Variants in MICAL2 observed in about 807,000 individuals in gnomAD.
MICAL2 encodes microtubule associated monooxygenase, calponin and LIM domain containing 2, also known as [F-actin]-monooxygenase MICAL2.
MICAL2 carries 77 observed loss-of-function variants against 127.3 expected under a neutral mutation model. The ratio of observed to expected loss-of-function variants is 0.60; its 90% confidence interval spans 0.50 to 0.73. The LOEUF is 0.73. MICAL2 is among the 30% of genes least tolerant of loss of function. MICAL2 has a pLI of 0.00. For missense variants in MICAL2, 1,351 were observed against 1,434.4 expected, an observed-to-expected ratio of 0.94 and a Z score of 0.94; for synonymous variants, 570 against 551.1, an observed-to-expected ratio of 1.03 and a Z score of -0.48.
At chr11:12,322,432 A>G (rs1279057315) in intron 30 of MICAL2, among the ~76,000 whole-genome samples, 2 of 152,218 alleles carry the variant, frequency 1.3e-5, no homozygotes, top group Non-Finnish European at 2.9e-5. Flanking sequence ...CAGAGATGAC[A>G]TGATATGGAA....
chr11:12,209,196 A>G (rs754431291), intron 5 of MICAL2, among the ~76,000 whole-genome samples: 8 of 152,232 alleles, frequency 5.3e-5, no homozygotes, highest in Non-Finnish European at 1.0e-4. Flanking sequence ...GTTGAGAATG[A>G]TAAGATGCAA....
chr11:12,220,811 C>T (rs1856730158), intron 9 of MICAL2, among the ~76,000 whole-genome samples: 1 of 152,192 alleles, frequency 6.6e-6, no homozygotes, highest in South Asian at 2.1e-4. Context: ...TGTGGGCGGC[C>T]CTTTGTGGCC....
intron 32 of MICAL2, chr11:12,327,312 T>C (rs1481206315): frequency 1.3e-6 from 2 of 1,483,962 alleles, no homozygotes; most frequent in Admixed American, 2.0e-5. Flanking sequence ...GGTCTGAGAA[T>C]AGTGCTAGCG....
At chr11:12,117,099 G>A (rs1295477068) in intron 1 of MICAL2, among the ~76,000 whole-genome samples, 3 of 152,190 alleles carry the variant, frequency 2.0e-5, no homozygotes, top group Non-Finnish European at 4.4e-5. Context: ...CCAAGGCTTG[G>A]TTAGATTTCT....
intron 3 of MICAL2, among the ~76,000 whole-genome samples, chr11:12,173,052 A>G (rs1184373748): frequency 6.6e-6 from 1 of 152,076 alleles, no homozygotes; most frequent in East Asian, 1.9e-4. Flanking sequence ...TATTATAATT[A>G]TATTACATTA....
chr11:12,201,500 G>T (rs940183446), intron 3 of MICAL2, among the ~76,000 whole-genome samples: 11 of 151,708 alleles, frequency 7.3e-5, no homozygotes, highest in African/African-American at 2.7e-4. Context: ...TCCCTTGCCT[G>T]ACGCCTTGCT....
chr11:12,314,687 C>T (rs1255511837), intron 29 of MICAL2, among the ~76,000 whole-genome samples: 5 of 136,818 alleles, frequency 3.7e-5, no homozygotes, highest in Admixed American at 7.8e-5. Context: ...GGGGTTTCAC[C>T]GTGTTAGCCA....
intron 15 of MICAL2, among the ~76,000 whole-genome samples, chr11:12,234,720 A>C (rs978224066): frequency 2.6e-5 from 4 of 152,178 alleles, no homozygotes; most frequent in Non-Finnish European, 4.4e-5. Flanking sequence ...AGGGCAGGGG[A>C]TGATGAAGAG....
chr11:12,283,939 C>T (rs1222554183), intron 2 of MICAL2, among the ~76,000 whole-genome samples: 1 of 152,154 alleles, frequency 6.6e-6, no homozygotes, highest in East Asian at 1.9e-4. Context: ...AGGTTCTCAC[C>T]ATCAGAAATT....
At chr11:12,239,987 T>TTGCAGCCAGTTTTGAGG (rs1859645277) in intron 17 of MICAL2, among the ~76,000 whole-genome samples, 1 of 152,252 alleles carries the variant, frequency 6.6e-6, no homozygotes, top group Admixed American at 6.5e-5. Flanking sequence ...GTGACTTGGT[T>TTGCAGCCAGTTTTGAGG]TGCAGCCAGT....
chr11:12,153,566 T>C (rs933478650), intron 2 of MICAL2, among the ~76,000 whole-genome samples: 1 of 152,004 alleles, frequency 6.6e-6, no homozygotes, highest in Non-Finnish European at 1.5e-5. Context: ...GCCTCCTCAG[T>C]AGATGGAATT....
chr11:12,321,654 T>TGA (rs1399553409), intron 30 of MICAL2, among the ~76,000 whole-genome samples: 1 of 151,482 alleles, frequency 6.6e-6, no homozygotes, highest in Non-Finnish European at 1.5e-5. Context: ...TAAGGCTGTG[T>TGA]GTTTATTAAT....
intron 29 of MICAL2, among the ~76,000 whole-genome samples, chr11:12,312,369 A>C (rs1181767039): frequency 6.8e-6 from 1 of 147,002 alleles, no homozygotes; most frequent in Non-Finnish European, 1.5e-5. Context: ...TGTGCGTTTT[A>C]TGTAAGGCTC....
At position 12,228,443 on chromosome 11, in the gene MICAL2, A is replaced by G. The variant is rs78478905; in HGVS notation, c.1995+1312A>G. ...ACCCCATGCTTCCTTCACACTAATT[A>G]ATCAACTCATTGAAAGGCATTTGTT... On this transcript the variant is annotated intron_variant, in intron 15 of 27. Coordinates refer to ENST00000683283, the MANE Select transcript of MICAL2 (RefSeq NM_001282663.2). 3.0e-4 allele frequency among the ~76,000 whole-genome samples: 45 copies of G among 152,336 alleles called. No homozygotes were observed. In the East Asian group the frequency reaches 5.8e-3, roughly 20 times the overall value.
chr11:12,157,817 G>A (rs922628944), intron 2 of MICAL2, among the ~76,000 whole-genome samples: 10 of 152,168 alleles, frequency 6.6e-5, no homozygotes, highest in African/African-American at 2.4e-4. Context: ...GTCCTTCTGA[G>A]TGCTAGGTCA....
intron 31 of MICAL2, among the ~76,000 whole-genome samples, chr11:12,326,713 G>C (rs1864356808): frequency 6.6e-6 from 1 of 152,220 alleles, no homozygotes; most frequent in Non-Finnish European, 1.5e-5. Flanking sequence ...TCTTGCTCCA[G>C]ACTGACTCCT....
rs57280679 is a variant in MICAL2, at chr11:12,304,637, AACACACACACACACACACACAC to A, written c.5212+9816_5212+9837del. On this transcript the variant is annotated intron_variant, in intron 29 of 34. Transcript: ENST00000646065. ...GCAACAAGAGCGAAACTCTGTCTCAAACACACACACACACACACACACACACACACACACACACACACACACA... is the reference window on the plus strand; with the variant it reads ...GCAACAAGAGCGAAACTCTGTCTCAAACACACACACACACACACACACACA... 1.3e-3 allele frequency among the ~76,000 whole-genome samples: 170 copies of A among 128,918 alleles called. 1 individual carries two copies. Among genetic ancestry groups the A allele is most frequent in the Non-Finnish European group, 2.2e-3 (137 of 61,666 alleles). The allele number at this position is 128,918 out of a possible 152,430, so 84.6% of individuals were successfully genotyped here. A position where few individuals can be genotyped will look rare whatever the true frequency, so the allele number is the denominator to read the frequency against.
intron 3 of MICAL2, among the ~76,000 whole-genome samples, chr11:12,176,869 G>T (rs774352378): frequency 1.3e-5 from 2 of 151,954 alleles, no homozygotes; most frequent in Admixed American, 6.6e-5. Context: ...TTTTGTATCT[G>T]TTCACTCATC....
intron 33 of MICAL2, among the ~76,000 whole-genome samples, chr11:12,353,030 G>T (rs751313656): frequency 1.3e-5 from 2 of 152,208 alleles, no homozygotes; most frequent in Non-Finnish European, 2.9e-5. Context: ...CTTAAAGGAA[G>T]ATCTGACCGG....
Sources: gnomAD v4.1 joint callset for allele counts (sites outside exome capture counted in the v4.1 genomes callset) on GRCh38, gnomAD v4.1.1 for gene constraint, MANE v1.5 for transcripts, NCBI Gene and HGNC (gene_info 2026-07-23, HGNC 2026-07-21) for gene names.